The following DPH5 variants were observed in gnomAD, a reference collection of about 807,000 sequenced individuals.
DPH5 encodes the protein diphthine methyl ester synthase.
Under a neutral mutation model 31.6 loss-of-function variants are expected in DPH5, and 31 were observed. That is an observed-to-expected ratio of 0.98 (90% CI 0.74 to 1.32). The LOEUF is 1.32. Among genes scored for constraint, DPH5 ranks in the 40% most tolerant of loss-of-function variants. The pLI, the probability that DPH5 is intolerant of heterozygous loss-of-function variation, is 0.00. For missense variants in DPH5, 309 were observed against 335.7 expected (o/e 0.92, Z 0.62); for synonymous variants, 120 against 115.0 (o/e 1.04, Z -0.28).
rs770450078 is a variant in DPH5, at chr1:101,025,312, G to A, written c.132C>T (p.Ala44=). 10 of 1,614,034 alleles carry A rather than the reference G, an allele frequency of 6.2e-6. No individual in the cohort carries two copies. The East Asian group carries it at 1.3e-4, about 22-fold the overall frequency. ...YTSVLTVGKE[A]LEEFYGRKLV... ...CTGGGGAACGCTCAGCACCTACCAA[G>A]GCTTCCTTCCCTACAGTTAGGACTG... is the stretch of plus-strand genomic sequence containing the variant. Residue 44 remains alanine (A), a synonymous_variant, in exon 2 of 8, where the codon GCC becomes GCT. Transcript: ENST00000370109.
intron 2 of DPH5, among the ~76,000 whole-genome samples, chr1:101,023,606 A>C (rs568711514): frequency 6.6e-6 from 1 of 152,264 alleles, no homozygotes. Flanking sequence ...ACATTTAGCT[A>C]GCACTGAAAA....
chr1:101,013,744 G>A lies in DPH5; in HGVS notation c.335C>T (p.Ser112Phe), dbSNP rs1273282886. The A allele has an allele frequency of 5.0e-6, 8 of 1,612,234 alleles. No homozygotes were observed. The highest frequency in any genetic ancestry group is 5.9e-6 in the Non-Finnish European group (7 of 1,179,004). ...GIPYRVIHNA[S>F]IMNAVGCCGL... ...ACAGCAGCCTACAGCATTCATTATGGAGGCATTGTGAATAACTCTATAAGG... is the reference window on the plus strand; with the variant it reads ...ACAGCAGCCTACAGCATTCATTATGAAGGCATTGTGAATAACTCTATAAGG... The change falls in exon 4 of 8, where the codon TCC (serine) becomes TTC (phenylalanine). Residue 112 changes from serine to phenylalanine, a missense_variant. Ser to Phe is a radical substitution (Grantham distance 155, BLOSUM62 -2). Coordinates refer to ENST00000370109, the MANE Select transcript of DPH5 (RefSeq NM_015958.3).
At chr1:101,015,087 G>A (rs1211042711) in intron 3 of DPH5, among the ~76,000 whole-genome samples, 1 of 152,138 alleles carries the variant, frequency 6.6e-6, no homozygotes, top group Non-Finnish European at 1.5e-5. Context: ...ATTAATGTGG[G>A]TATTTTCACC....
At chr1:100,992,809 A>C (rs1657891718) in intron 6 of DPH5, 69 bp from the exon 7 acceptor site, 20 of 1,077,688 alleles carry the variant, frequency 1.9e-5, no homozygotes, top group Non-Finnish European at 2.8e-5. Context: ...TAATGCAATT[A>C]GCTCTCCCAG....
chr1:101,010,888 C>T (rs527916545), intron 4 of DPH5, among the ~76,000 whole-genome samples: 4 of 152,166 alleles, frequency 2.6e-5, no homozygotes, highest in Non-Finnish European at 4.4e-5. Context: ...TGGTAATTCT[C>T]AAAGTATGGT....
Position 101,020,362 on chromosome 1 carries a change from G to C in DPH5, c.260+1279C>G, listed in dbSNP as rs561476363. ...TTCAGTATTATATTGAAGGTATTCA[G>C]TCTTTCCTTTTTGAATAGTCTCTTT... On this transcript the variant is annotated intron_variant, in intron 3 of 7. Transcript: ENST00000370109. Among the ~76,000 whole-genome samples the C allele has an allele frequency of 9.2e-5, 14 of 152,182 alleles. No individual in the cohort carries two copies. In the East Asian group the frequency reaches 2.5e-3, roughly 27 times the overall value.
In DPH5 at chr1:100,994,630, G is replaced by A. The variant is rs376915444; in HGVS notation, c.530+480C>T. Among the ~76,000 whole-genome samples, 73 of 151,592 alleles carry A rather than the reference G, an allele frequency of 4.8e-4. 2 individuals carry two copies. In the South Asian group the frequency reaches 0.015, roughly 31 times the overall value. On this transcript the variant is annotated intron_variant, in intron 6 of 7. Transcript: ENST00000370109. The stretch of plus-strand genomic sequence containing the variant: ...CAACCTCTGCCTCCCAGATTCAAGC[G>A]ATTCTCGTGCCTCAACCTCCCAAGT...
chr1:101,006,536 G>A lies in DPH5; in HGVS notation c.370-4949C>T, dbSNP rs112983050. ...TTAGATTATTTTCTTCTAAGACCAC[G>A]GAAGGATATAGAACTCTAGATGATA... On this transcript the variant is annotated intron_variant, in intron 4 of 7. Transcript: ENST00000370109. 6.5e-3 allele frequency among the ~76,000 whole-genome samples: 984 copies of A among 152,132 alleles called. 16 individuals carry two copies. Among genetic ancestry groups the A allele is most frequent in the African/African-American group, 0.02 (851 of 41,530 alleles).
chr1:101,012,478 T>C (rs1659768482), intron 4 of DPH5, among the ~76,000 whole-genome samples: 2 of 152,180 alleles, frequency 1.3e-5, no homozygotes, highest in African/African-American at 4.8e-5. Context: ...TTTAGCTCCA[T>C]CTACCTACCT....
chr1:100,995,040 T>C, intron 6 of DPH5, 70 bp downstream of exon 6: 1 of 1,116,416 alleles, frequency 9.0e-7, no homozygotes, highest in East Asian at 2.4e-5. Context: ...ACTCAGGTCA[T>C]TTAAGTAGAA....
intron 3 of DPH5, among the ~76,000 whole-genome samples, chr1:101,018,436 G>A (rs567679688): frequency 3.3e-5 from 5 of 151,934 alleles, no homozygotes; most frequent in Admixed American, 2.0e-4. Flanking sequence ...ATGGGGTTTC[G>A]CCACATTGCC....
chr1:101,005,525 T>C (rs1366428874), intron 4 of DPH5, among the ~76,000 whole-genome samples: 1 of 152,176 alleles, frequency 6.6e-6, no homozygotes, highest in Non-Finnish European at 1.5e-5. Context: ...GGCCACACAC[T>C]AGGTACATAA....
At chr1:101,024,353 G>A (rs2101323761) in intron 2 of DPH5, among the ~76,000 whole-genome samples, 1 of 152,200 alleles carries the variant, frequency 6.6e-6, no homozygotes, top group South Asian at 2.1e-4. Context: ...AGGCTGCAGT[G>A]AGCCATGATC....
At position 100,992,719 on chromosome 1, in the gene DPH5, A is replaced by T; in HGVS notation, c.552T>A (p.Pro184=). The T allele has an allele frequency of 3.1e-6, 5 of 1,613,322 alleles. No individual in the cohort carries two copies. The Middle Eastern group carries it at 6.6e-4, about 213-fold the overall frequency. ...CTTGGTTTACACTCATATACCGTGG[A>T]GGTTCATAGATCTTCCTTCCCCTAT... The part of the protein sequence containing the change: ...NLIKGRKIYE[P]PRYMSVNQAA... Residue 184 remains proline, a synonymous_variant, in exon 7 of 8, where the codon CCT becomes CCA. Transcript: ENST00000370109.
Position 101,010,766 on chromosome 1 carries a change from C to A in DPH5, c.369+2944G>T, listed in dbSNP as rs192036099. On this transcript the variant is annotated intron_variant, in intron 4 of 7. Coordinates refer to ENST00000370109, the MANE Select transcript of DPH5 (RefSeq NM_015958.3). ...CATGGCAAGATAACCTCTCAACATC[C>A]TACATTTAACAAGTGTATACTGGGA... Among the ~76,000 whole-genome samples, 175 of 152,254 alleles carry A rather than the reference C, an allele frequency of 1.1e-3. 1 individual carries two copies. The highest frequency in any genetic ancestry group is 4.1e-3 in the African/African-American group (170 of 41,552).
At chr1:101,008,660 T>C (rs1659415725) in intron 4 of DPH5, among the ~76,000 whole-genome samples, 1 of 152,236 alleles carries the variant, frequency 6.6e-6, no homozygotes, top group Non-Finnish European at 1.5e-5. Flanking sequence ...TTTGTATGTG[T>C]GTGTGTGTTA....
intron 4 of DPH5, among the ~76,000 whole-genome samples, chr1:101,008,283 ATC>A (rs567587849): frequency 6.2e-4 from 95 of 152,282 alleles, no homozygotes; most frequent in African/African-American, 2.0e-3. Context: ...GAGGATCTAA[ATC>A]TCTGTTATTT....
chr1:101,000,108 C>T (rs1658739185), intron 5 of DPH5, among the ~76,000 whole-genome samples: 1 of 151,938 alleles, frequency 6.6e-6, no homozygotes, highest in South Asian at 2.1e-4. Flanking sequence ...GACTGCACCA[C>T]TGCACTCCAG....
intron 2 of DPH5, among the ~76,000 whole-genome samples, chr1:101,024,139 G>T (rs1322688648): frequency 6.6e-6 from 1 of 152,132 alleles, no homozygotes; most frequent in Non-Finnish European, 1.5e-5. Flanking sequence ...GGGTGTGGTT[G>T]CTTGTGCCTA....
Sources: gnomAD v4.1 joint callset for allele counts (sites outside exome capture counted in the v4.1 genomes callset) on GRCh38, gnomAD v4.1.1 for gene constraint, MANE v1.5 for transcripts, NCBI Gene and HGNC (gene_info 2026-07-23, HGNC 2026-07-21) for gene names.